The following TGFB2 variants were observed in gnomAD, a reference collection of about 807,000 sequenced individuals.
The protein encoded by TGFB2 is transforming growth factor beta-2 proprotein.
In TGFB2, 13 loss-of-function variants were observed where a neutral mutation model predicts 42.7. The ratio of observed to expected loss-of-function variants is 0.30; its 90% CI spans 0.20 to 0.48. TGFB2 has a LOEUF of 0.48. Among genes scored for constraint, TGFB2 ranks in the 20% least tolerant of loss-of-function variants. The pLI, the probability that TGFB2 is intolerant of heterozygous loss-of-function variation, is 0.99. For missense variants in TGFB2, 390 were observed against 517.5 expected (o/e 0.75, Z 2.39); for synonymous variants, 193 against 193.6 (o/e 1.00, Z 0.03).
intron 1 of TGFB2, among the ~76,000 whole-genome samples, chr1:218,388,969 A>C (rs1296926680): frequency 6.6e-6 from 1 of 152,102 alleles, no homozygotes; most frequent in Non-Finnish European, 1.5e-5. Context: ...TCGTTATTCC[A>C]CTGGCTGCTT....
chr1:218,387,630 G>C (rs17047759), intron 1 of TGFB2, among the ~76,000 whole-genome samples: 1,928 of 152,072 alleles, frequency 0.013, 39 homozygotes, highest in African/African-American at 0.044. Flanking sequence ...GAGATCTACA[G>C]AGAAATCAGT....
At chr1:218,400,585 G>C (rs906499360) in intron 1 of TGFB2, among the ~76,000 whole-genome samples, 7 of 152,128 alleles carry the variant, frequency 4.6e-5, no homozygotes, top group Admixed American at 3.3e-4. Context: ...TGGATTAAGA[G>C]GGTGCATGAA....
chr1:218,368,866 T>C (rs1234738690), intron 1 of TGFB2, among the ~76,000 whole-genome samples: 1 of 152,176 alleles, frequency 6.6e-6, no homozygotes, highest in Non-Finnish European at 1.5e-5. Flanking sequence ...GGATAAGTGA[T>C]GTGGGGCCTT....
At chr1:218,372,330 C>T (rs2102555608) in intron 1 of TGFB2, among the ~76,000 whole-genome samples, 1 of 152,234 alleles carries the variant, frequency 6.6e-6, no homozygotes, top group East Asian at 1.9e-4. Flanking sequence ...ATGGTCAGAC[C>T]ATATTTTTCT....
chr1:218,363,022 A>T (rs1276883592), intron 1 of TGFB2, among the ~76,000 whole-genome samples: 1 of 152,194 alleles, frequency 6.6e-6, no homozygotes, highest in Non-Finnish European at 1.5e-5. Flanking sequence ...ATATAAATCA[A>T]GGTATTTATT....
chr1:218,370,096 A>C (rs1657523493), intron 1 of TGFB2, among the ~76,000 whole-genome samples: 1 of 152,194 alleles, frequency 6.6e-6, no homozygotes, highest in Non-Finnish European at 1.5e-5. Context: ...TTAGTGAGGA[A>C]GTCAGGCAGA....
chr1:218,404,204 C>A (rs147751174), intron 1 of TGFB2, among the ~76,000 whole-genome samples: 4 of 152,254 alleles, frequency 2.6e-5, no homozygotes, highest in Non-Finnish European at 5.9e-5. Context: ...CCTCCGCCCC[C>A]GGGGTTCAAG....
chr1:218,412,443 A>G (rs1453901921), intron 2 of TGFB2, among the ~76,000 whole-genome samples: 1 of 152,220 alleles, frequency 6.6e-6, no homozygotes, highest in Non-Finnish European at 1.5e-5. Flanking sequence ...AGATTGAAAC[A>G]GGAGTGGGTT....
chr1:218,397,674 G>A (rs1039708933), intron 1 of TGFB2, among the ~76,000 whole-genome samples: 4 of 152,054 alleles, frequency 2.6e-5, no homozygotes, highest in African/African-American at 9.7e-5. Flanking sequence ...AGGGTACATA[G>A]GAATTGCTCA....
intron 2 of TGFB2, among the ~76,000 whole-genome samples, chr1:218,423,171 A>T (rs1659511445): frequency 6.6e-6 from 1 of 152,180 alleles, no homozygotes; most frequent in Non-Finnish European, 1.5e-5. Context: ...GTCTTTAATA[A>T]CACGGTTTTG....
chr1:218,433,220 C>A (rs1659866651), intron 2 of TGFB2, among the ~76,000 whole-genome samples: 1 of 152,084 alleles, frequency 6.6e-6, no homozygotes, highest in African/African-American at 2.4e-5. Context: ...AGGCGCCCAC[C>A]ACTGTGCCTG....
At chr1:218,428,454 C>T (rs1213723891) in intron 2 of TGFB2, among the ~76,000 whole-genome samples, 3 of 152,118 alleles carry the variant, frequency 2.0e-5, no homozygotes, top group Non-Finnish European at 4.4e-5. Flanking sequence ...TCTTCTAGGG[C>T]TTTTATGGTT....
rs189415622 is a variant in TGFB2 at position 218,373,266 on chromosome 1, G to T, written c.346+26219G>T. 4.3e-3 allele frequency among the ~76,000 whole-genome samples: 657 copies of T among 152,230 alleles called. 4 individuals carry two copies. The highest frequency in any genetic ancestry group is 0.015 in the African/African-American group (605 of 41,540). ...CTTACAAAGCTTTTAATAAAACTGTGTGGCTGTGTCTAGATATCCATGTTA... is the reference window on the plus strand; with the variant it reads ...CTTACAAAGCTTTTAATAAAACTGTTTGGCTGTGTCTAGATATCCATGTTA... On this transcript the variant is annotated intron_variant, in intron 1 of 6. Coordinates refer to ENST00000366930, the MANE Select transcript of TGFB2 (RefSeq NM_003238.6).
At chr1:218,395,929 G>C (rs1658495811) in intron 1 of TGFB2, among the ~76,000 whole-genome samples, 1 of 152,084 alleles carries the variant, frequency 6.6e-6, no homozygotes, top group South Asian at 2.1e-4. Flanking sequence ...TTCTTTATCT[G>C]TGAAATGGGG....
chr1:218,405,941 A>G (rs1397554924), intron 2 of TGFB2, among the ~76,000 whole-genome samples: 1 of 152,056 alleles, frequency 6.6e-6, no homozygotes, highest in Non-Finnish European at 1.5e-5. Flanking sequence ...CCAGAAGTCA[A>G]CCCGTTAAAC....
intron 2 of TGFB2, among the ~76,000 whole-genome samples, chr1:218,421,471 A>T (rs1007404912): frequency 1.3e-5 from 2 of 152,048 alleles, no homozygotes; most frequent in African/African-American, 4.8e-5. Context: ...TTAACTAATA[A>T]GAATATACCA....
chr1:218,388,015 A>G (rs1246919103), intron 1 of TGFB2, among the ~76,000 whole-genome samples: 1 of 152,110 alleles, frequency 6.6e-6, no homozygotes, highest in Non-Finnish European at 1.5e-5. Context: ...GCAAGAACAC[A>G]TCTGTGTCCT....
At chr1:218,393,136 C>T (rs1281202268) in intron 1 of TGFB2, among the ~76,000 whole-genome samples, 4 of 152,160 alleles carry the variant, frequency 2.6e-5, no homozygotes, top group African/African-American at 9.7e-5. Flanking sequence ...TTAAGCATGT[C>T]AAAAGTCCAT....
chr1:218,412,830 C>T (rs1030257161), intron 2 of TGFB2, among the ~76,000 whole-genome samples: 2 of 152,160 alleles, frequency 1.3e-5, no homozygotes, highest in Non-Finnish European at 2.9e-5. Flanking sequence ...GTTTTTAAGA[C>T]TGATTTATTA....
Sources: allele counts gnomAD v4.1 joint callset (sites outside exome capture counted in the v4.1 genomes callset), GRCh38; gene constraint gnomAD v4.1.1; transcripts MANE v1.5; gene names NCBI Gene and HGNC (gene_info 2026-07-23, HGNC 2026-07-21).